The following SLIT2 variants were observed in gnomAD, a reference collection of about 807,000 sequenced individuals.
The protein encoded by SLIT2 is slit homolog 2 protein.
In SLIT2, 41 loss-of-function variants were observed where a neutral mutation model predicts 185.7. The observed-to-expected ratio is 0.22, with a 90% CI of 0.17 to 0.29. SLIT2 has a LOEUF of 0.29. Ranked by LOEUF, SLIT2 falls within the 10% of genes least tolerant of loss-of-function variation. The pLI, the probability that SLIT2 is intolerant of heterozygous loss-of-function variation, is 1.00. For synonymous variants in SLIT2, 693 were observed against 680.2 expected, an observed-to-expected ratio of 1.02 and a Z score of -0.29; for missense variants, 1,571 against 1,909.0, an observed-to-expected ratio of 0.82 and a Z score of 3.30.
chr4:20,565,464 A>G (rs905353020), intron 26 of SLIT2, among the ~76,000 whole-genome samples: 1 of 152,026 alleles, frequency 6.6e-6, no homozygotes, highest in Non-Finnish European at 1.5e-5. Context: ...GTATTATGCT[A>G]ATTTAACTAA....
At chr4:20,499,914 G>A (rs1409573753) in intron 9 of SLIT2, among the ~76,000 whole-genome samples, 1 of 152,118 alleles carries the variant, frequency 6.6e-6, no homozygotes, top group Non-Finnish European at 1.5e-5. Context: ...TGATTGATTA[G>A]CATGTATTTA....
intron 4 of SLIT2, among the ~76,000 whole-genome samples, chr4:20,337,734 A>T (rs1436906021): frequency 6.6e-6 from 1 of 152,204 alleles, no homozygotes; most frequent in East Asian, 1.9e-4. Flanking sequence ...TCAGGCTCAC[A>T]TATACATACT....
chr4:20,572,632 G>C (rs1725708621), intron 29 of SLIT2, among the ~76,000 whole-genome samples: 1 of 152,068 alleles, frequency 6.6e-6, no homozygotes. Context: ...TTAGGCTGTA[G>C]TGTTAACTTA....
chr4:20,256,546 C>T, intron 1 of SLIT2, 126 bp from the exon 2 acceptor site: 2 of 548,940 alleles, frequency 3.6e-6, no homozygotes, highest in Non-Finnish European at 6.5e-6. Flanking sequence ...TCTTCTCCTT[C>T]CTACATACTT....
rs1717484087 is a variant in SLIT2 at position 20,488,638 on chromosome 4, G to GC, written c.612-181_612-180insC. Among the ~76,000 whole-genome samples the GC allele has an allele frequency of 2.0e-5, 3 of 152,292 alleles. No homozygotes were observed. The East Asian group carries it at 5.8e-4, about 29-fold the overall frequency. On this transcript the variant is annotated intron_variant, in intron 7 of 36. Coordinates refer to ENST00000504154, the MANE Select transcript of SLIT2 (RefSeq NM_004787.4). ...TATTCAAGCTTCTATAAATTGCTCAGTTCAGACTAAATGAAGAGAGACTTG... is the reference window on the plus strand; with the variant it reads ...TATTCAAGCTTCTATAAATTGCTCAGCTTCAGACTAAATGAAGAGAGACTTG...
intron 4 of SLIT2, among the ~76,000 whole-genome samples, chr4:20,439,231 G>A (rs1164184801): frequency 2.0e-5 from 3 of 152,102 alleles, no homozygotes; most frequent in African/African-American, 7.2e-5. Flanking sequence ...GAAATGCCTT[G>A]GTCTAGGCCA....
intron 4 of SLIT2, among the ~76,000 whole-genome samples, chr4:20,321,200 C>T (rs1719049477): frequency 6.6e-6 from 1 of 152,150 alleles, no homozygotes; most frequent in South Asian, 2.1e-4. Flanking sequence ...AATGTCTTCT[C>T]TTGCTTTTGC....
chr4:20,479,788 ATT>A (rs1199376675), intron 5 of SLIT2, among the ~76,000 whole-genome samples: 1 of 152,156 alleles, frequency 6.6e-6, no homozygotes, highest in Non-Finnish European at 1.5e-5. Flanking sequence ...TGTACTATGA[ATT>A]TTAACAAATA....
chr4:20,344,763 C>G (rs563246675), intron 4 of SLIT2, among the ~76,000 whole-genome samples: 1 of 152,310 alleles, frequency 6.6e-6, no homozygotes, highest in African/African-American at 2.4e-5. Context: ...TACTAATCCC[C>G]TTTAACCTCT....
chr4:20,523,911 TA>T lies in SLIT2; in HGVS notation c.1274+10del. On this transcript the variant is annotated intron_variant, in intron 13 of 36. Coordinates refer to ENST00000504154, the MANE Select transcript of SLIT2 (RefSeq NM_004787.4). ...TCGGGCCATTCAAACTATGTATGTA[TA>T]AGTGATTTGGATCACTTTTGATGAC... is the stretch of plus-strand genomic sequence containing the variant. 1 of 1,613,820 alleles carries T rather than the reference TA, an allele frequency of 6.2e-7. No homozygotes were observed. The highest frequency in any genetic ancestry group is 2.2e-5 in the East Asian group (1 of 44,868).
intron 33 of SLIT2, among the ~76,000 whole-genome samples, chr4:20,608,670 T>C (rs1728971438): frequency 6.6e-6 from 1 of 152,054 alleles, no homozygotes; most frequent in South Asian, 2.1e-4. Flanking sequence ...TGTTCTCAAA[T>C]CAAAAAAACG....
chr4:20,520,142 T>C (rs1368258886), intron 12 of SLIT2, among the ~76,000 whole-genome samples: 1 of 151,646 alleles, frequency 6.6e-6, no homozygotes, highest in East Asian at 1.9e-4. Flanking sequence ...ACGGATGGTG[T>C]GCGGTGAGCT....
chr4:20,516,830 T>C (rs1271391365), intron 11 of SLIT2, among the ~76,000 whole-genome samples: 2 of 152,220 alleles, frequency 1.3e-5, no homozygotes, highest in African/African-American at 2.4e-5. Flanking sequence ...ATACTCCATA[T>C]AGCAATAATT....
chr4:20,518,998 T>C (rs2148840891), intron 11 of SLIT2, among the ~76,000 whole-genome samples: 1 of 152,318 alleles, frequency 6.6e-6, no homozygotes, highest in African/African-American at 2.4e-5. Flanking sequence ...TGTCACTGTA[T>C]ACTCTTCTAT....
At chr4:20,423,331 G>T (rs914855199) in intron 4 of SLIT2, among the ~76,000 whole-genome samples, 1 of 151,526 alleles carries the variant, frequency 6.6e-6, no homozygotes, top group Non-Finnish European at 1.5e-5. Flanking sequence ...GAACATAATT[G>T]AAATACTCAT....
At chr4:20,558,481 A>G (rs1724442458) in intron 26 of SLIT2, among the ~76,000 whole-genome samples, 5 of 152,182 alleles carry the variant, frequency 3.3e-5, no homozygotes, top group South Asian at 4.1e-4. Flanking sequence ...GCATTTTAAG[A>G]CACATTTAAC....
chr4:20,301,485 C>T (rs12511950), intron 4 of SLIT2, among the ~76,000 whole-genome samples: 36,366 of 151,904 alleles, frequency 0.24, 5,270 homozygotes, highest in East Asian at 0.6. Context: ...CAGGCATTAA[C>T]GGGGCATACT....
chr4:20,542,938 G>C (rs1420798634), intron 21 of SLIT2, among the ~76,000 whole-genome samples: 1 of 149,388 alleles, frequency 6.7e-6, no homozygotes, highest in Admixed American at 6.7e-5. Context: ...TAAAATATAA[G>C]GTATCTTTCA....
chr4:20,486,255 C>T lies in SLIT2; in HGVS notation c.595C>T (p.Pro199Ser). The T allele has an allele frequency of 6.3e-7, 1 of 1,589,030 alleles. No individual in the cohort carries two copies. Among genetic ancestry groups the T allele is most frequent in the Middle Eastern group, 1.7e-4 (1 of 5,974 alleles). Reference protein sequence around the residue: ...RLSVASFNHMPKLRTFRLHSN... With the variant: ...RLSVASFNHMSKLRTFRLHSN... ...TTCTGTGGCAAGTTTCAACCATATG[C>T]CTAAACTTAGGACTTTGTAAGTAGT... The change falls in exon 7 of 37, where the codon CCT becomes TCT. Residue 199 changes from proline to serine, a missense_variant. This residue lies in a region of SLIT2 where 1,202 missense variants were observed against 1,416.4 expected (regional missense o/e 0.85). Transcript: ENST00000504154.
Sources: allele counts gnomAD v4.1 joint callset (sites outside exome capture counted in the v4.1 genomes callset), GRCh38; gene constraint gnomAD v4.1.1; regional missense constraint gnomAD v4.1.1; transcripts MANE v1.5; gene names NCBI Gene and HGNC (gene_info 2026-07-23, HGNC 2026-07-21).